Variants in ROBO2 observed in about 807,000 individuals in gnomAD.
ROBO2 encodes the protein roundabout guidance receptor 2.
Under a neutral mutation model 160.8 loss-of-function variants are expected in ROBO2, and 53 were observed. The observed-to-expected ratio is 0.33, with a 90% confidence interval of 0.26 to 0.41. The LOEUF is 0.41. Among genes scored for constraint, ROBO2 ranks in the 10% least tolerant of loss-of-function variants. ROBO2 has a pLI of 1.00. For missense variants in ROBO2, 1,577 were observed against 1,722.4 expected (o/e 0.92, Z 1.49); for synonymous variants, 664 against 611.7 (o/e 1.09, Z -1.26).
At chr3:77,242,979 G>A (rs573468981) in intron 2 of ROBO2, among the ~76,000 whole-genome samples, 2 of 151,702 alleles carry the variant, frequency 1.3e-5, no homozygotes, top group Admixed American at 6.6e-5. Context: ...GTGTGCGTGC[G>A]TGTTTGTGTA....
At chr3:77,633,158 T>C (rs548266579) in intron 23 of ROBO2, 2 of 152,330 alleles carry the variant, frequency 1.3e-5, no homozygotes, top group East Asian at 3.9e-4. Flanking sequence ...ATCTTTTTAA[T>C]TGTTTGGCTA....
At chr3:77,184,480 A>T (rs564494492) in intron 2 of ROBO2, among the ~76,000 whole-genome samples, 19 of 152,100 alleles carry the variant, frequency 1.2e-4, no homozygotes, top group African/African-American at 4.6e-4. Flanking sequence ...ACAGAATGTG[A>T]AGAGGTCAAA....
chr3:76,695,483 A>G (rs1011853001), intron 2 of ROBO2, among the ~76,000 whole-genome samples: 3 of 152,190 alleles, frequency 2.0e-5, no homozygotes, highest in African/African-American at 4.8e-5. Flanking sequence ...ATATTTATTG[A>G]TAAAGAAGCT....
intron 2 of ROBO2, among the ~76,000 whole-genome samples, chr3:76,466,098 T>C (rs1191771898): frequency 1.3e-5 from 2 of 151,764 alleles, no homozygotes; most frequent in East Asian, 3.9e-4. Flanking sequence ...ATTTTTTAAA[T>C]TCTTGCAACA....
chr3:75,924,677 T>G (rs1264138478), intron 1 of ROBO2, among the ~76,000 whole-genome samples: 1 of 100,804 alleles, frequency 9.9e-6, no homozygotes, highest in Non-Finnish European at 1.9e-5. Context: ...ATTTATTTTC[T>G]TTTCTTTTTT....
intron 6 of ROBO2, among the ~76,000 whole-genome samples, chr3:77,528,422 C>A (rs1019824818): frequency 6.7e-6 from 1 of 148,692 alleles, no homozygotes; most frequent in Non-Finnish European, 1.5e-5. Context: ...TTCAGACTCA[C>A]ACATTTTTCC....
intron 2 of ROBO2, among the ~76,000 whole-genome samples, chr3:77,282,491 TA>T (rs965860399): frequency 1.2e-4 from 18 of 151,940 alleles, no homozygotes; most frequent in African/African-American, 3.6e-4. Flanking sequence ...CTTTCTTTAT[TA>T]TTAATATAAA....
At chr3:76,868,387 G>T (rs570190594) in intron 2 of ROBO2, among the ~76,000 whole-genome samples, 1 of 152,002 alleles carries the variant, frequency 6.6e-6, no homozygotes. Context: ...CTGAATGAAC[G>T]AGAATTGACC....
chr3:77,040,073 T>G, exon 1 of ROBO2: 3 of 128,634 alleles, frequency 2.3e-5, no homozygotes, highest in South Asian at 6.0e-4. Flanking sequence ...CCTCCCTCCC[T>G]CGCTCCTTCC....
intron 2 of ROBO2, among the ~76,000 whole-genome samples, chr3:76,538,842 G>A (rs1560114280): frequency 1.3e-5 from 2 of 152,050 alleles, no homozygotes; most frequent in Admixed American, 6.6e-5. Context: ...ACATCATGCA[G>A]TATTTGGAAA....
At position 76,378,874 on chromosome 3, in the gene ROBO2, C is replaced by CA. The variant is rs1332866226; in HGVS notation, c.109+441279dup. On this transcript the variant is annotated intron_variant, in intron 2 of 26. Coordinates refer to the ROBO2 transcript ENST00000487694. Reference sequence around the variant, plus strand: ...CCCTCTACGCAGTTGGTTGCTGGAGCAAAAAAATTCGAAAGAACTTGCAGC... The same window carrying CA: ...CCCTCTACGCAGTTGGTTGCTGGAGCAAAAAAAATTCGAAAGAACTTGCAGC... Among the ~76,000 whole-genome samples, 3 of 152,220 alleles carry CA rather than the reference C, an allele frequency of 2.0e-5. No individual in the cohort carries two copies. In the East Asian group the frequency reaches 5.8e-4, roughly 29 times the overall value.
chr3:76,510,992 T>A (rs572063014), intron 2 of ROBO2, among the ~76,000 whole-genome samples: 1 of 152,324 alleles, frequency 6.6e-6, no homozygotes, highest in East Asian at 1.9e-4. Context: ...TTTGTGATGA[T>A]AAAACATCTG....
intron 2 of ROBO2, among the ~76,000 whole-genome samples, chr3:77,025,609 A>C (rs2062915551): frequency 6.6e-6 from 1 of 152,230 alleles, no homozygotes; most frequent in African/African-American, 2.4e-5. Context: ...TTTGAAATGC[A>C]AACAACCTCA....
intron 2 of ROBO2, among the ~76,000 whole-genome samples, chr3:76,032,904 T>C (rs1042918997): frequency 6.6e-6 from 1 of 152,194 alleles, no homozygotes; most frequent in African/African-American, 2.4e-5. Context: ...GAAGTTAGTT[T>C]CAATTGGATA....
At chr3:76,071,868 A>G (rs1205040920) in intron 2 of ROBO2, among the ~76,000 whole-genome samples, 4 of 152,126 alleles carry the variant, frequency 2.6e-5, no homozygotes, top group African/African-American at 9.7e-5. Context: ...TCTTAATGTC[A>G]AGCTAACACC....
intron 2 of ROBO2, among the ~76,000 whole-genome samples, chr3:76,022,922 T>C (rs916332198): frequency 4.0e-5 from 6 of 151,816 alleles, no homozygotes; most frequent in Non-Finnish European, 7.4e-5. Flanking sequence ...CTGTTTCATC[T>C]ACACTGAAAA....
At chr3:76,492,077 AC>A (rs1185163650) in intron 2 of ROBO2, among the ~76,000 whole-genome samples, 1 of 152,180 alleles carries the variant, frequency 6.6e-6, no homozygotes, top group African/African-American at 2.4e-5. Context: ...AGATCGTGCC[AC>A]TGCACTCCAG....
intron 2 of ROBO2, among the ~76,000 whole-genome samples, chr3:76,994,305 G>A (rs1363805973): frequency 1.3e-5 from 2 of 152,150 alleles, no homozygotes; most frequent in Non-Finnish European, 2.9e-5. Flanking sequence ...AGGACTTTGT[G>A]TACTGGCTTG....
chr3:76,204,776 G>C (rs925589770), intron 2 of ROBO2, among the ~76,000 whole-genome samples: 3 of 152,142 alleles, frequency 2.0e-5, no homozygotes, highest in Non-Finnish European at 4.4e-5. Context: ...ATCCCATTAT[G>C]TGCCAGAGAA....
Sources: gnomAD v4.1 joint callset for allele counts (sites outside exome capture counted in the v4.1 genomes callset) on GRCh38, gnomAD v4.1.1 for gene constraint, MANE v1.5 for transcripts, NCBI Gene and HGNC (gene_info 2026-07-23, HGNC 2026-07-21) for gene names.